The following PTPRZ1 variants were observed in gnomAD, a reference collection of about 807,000 sequenced individuals.
PTPRZ1 encodes protein tyrosine phosphatase receptor type Z1.
A neutral mutation model predicts 214.1 loss-of-function variants in PTPRZ1; 82 were observed. That is an observed-to-expected ratio of 0.38 (90% confidence interval 0.32 to 0.46). PTPRZ1 has a LOEUF of 0.46. Among genes scored for constraint, PTPRZ1 ranks in the 20% least tolerant of loss-of-function variants. PTPRZ1 has a pLI of 1.00. For synonymous variants in PTPRZ1, 945 were observed against 987.9 expected (o/e 0.96, Z 0.81); for missense variants, 2,603 against 2,748.7 (o/e 0.95, Z 1.19).
intron 2 of PTPRZ1, 78 bp downstream of exon 2, chr7:121,928,299 C>T (rs1334490852): frequency 1.9e-6 from 2 of 1,026,668 alleles, no homozygotes; most frequent in Non-Finnish European, 2.9e-6. Context: ...TAAAAGGAAG[C>T]TTTGTAGCAC....
chr7:122,015,110 A>G (rs1324385708), intron 12 of PTPRZ1, among the ~76,000 whole-genome samples: 1 of 152,194 alleles, frequency 6.6e-6, no homozygotes, highest in East Asian at 1.9e-4. Context: ...TTAAATGCCA[A>G]TGGAAAGAAG....
intron 2 of PTPRZ1, among the ~76,000 whole-genome samples, chr7:121,929,166 A>AT (rs1485281814): frequency 2.0e-5 from 3 of 151,220 alleles, no homozygotes; most frequent in East Asian, 2.0e-4. Context: ...AAAAACATAA[A>AT]ATCATTATTT....
intron 8 of PTPRZ1, among the ~76,000 whole-genome samples, chr7:121,991,591 C>G (rs1797963098): frequency 1.3e-5 from 2 of 152,072 alleles, no homozygotes; most frequent in South Asian, 4.1e-4. Flanking sequence ...TTGTTACTAG[C>G]ATTTGTTAAG....
intron 1 of PTPRZ1, among the ~76,000 whole-genome samples, chr7:121,890,892 A>G (rs1314400628): frequency 6.6e-6 from 1 of 151,610 alleles, no homozygotes; most frequent in African/African-American, 2.4e-5. Flanking sequence ...TGTCTGGGCT[A>G]GTCTTGACTT....
At chr7:122,053,039 A>G (rs559350992) in intron 25 of PTPRZ1, among the ~76,000 whole-genome samples, 1 of 152,270 alleles carries the variant, frequency 6.6e-6, no homozygotes, top group East Asian at 1.9e-4. Context: ...TCTCACCTAA[A>G]GTCTTCAATG....
chr7:122,024,412 T>C (rs1167472344), intron 13 of PTPRZ1, among the ~76,000 whole-genome samples: 2 of 152,040 alleles, frequency 1.3e-5, no homozygotes, highest in African/African-American at 2.4e-5. Flanking sequence ...GCAATATGAA[T>C]TCTCTCTTGA....
intron 1 of PTPRZ1, among the ~76,000 whole-genome samples, chr7:121,910,905 T>A (rs1158399780): frequency 6.6e-6 from 1 of 152,196 alleles, no homozygotes; most frequent in African/African-American, 2.4e-5. Context: ...TAGTATATGT[T>A]ATTAGAAGTG....
In PTPRZ1 at chr7:121,993,348, G is replaced by A. The variant is rs139536734; in HGVS notation, c.929-3034G>A. 2.0e-4 allele frequency among the ~76,000 whole-genome samples: 30 copies of A among 151,506 alleles called. No individual in the cohort carries two copies. In the East Asian group the frequency reaches 4.3e-3, roughly 22 times the overall value. ...GAGAGGATCACGAGGTCAGGAGATC[G>A]AGACCATCCTGGCTAACACGGTGAC... On this transcript the variant is annotated intron_variant, in intron 8 of 29. Transcript: ENST00000393386.
chr7:121,911,659 C>T lies in PTPRZ1; in HGVS notation c.59-16497C>T, dbSNP rs1795280732. On this transcript the variant is annotated intron_variant, in intron 1 of 29. Transcript: ENST00000393386. The stretch of plus-strand genomic sequence containing the variant: ...TTTCCTTTTCTTATCCTTTCAGAGC[C>T]TCTTCCTTTTCTGAAACTTAGATGG... Among the ~76,000 whole-genome samples, 5 of 151,954 alleles carry T rather than the reference C, an allele frequency of 3.3e-5. No individual in the cohort carries two copies. In the South Asian group the frequency reaches 1.0e-3, roughly 31 times the overall value.
intron 8 of PTPRZ1, among the ~76,000 whole-genome samples, chr7:121,994,289 CTTTTTTTTTT>C (rs35332072): frequency 1.3e-5 from 1 of 75,348 alleles, no homozygotes; most frequent in Admixed American, 2.4e-4. Context: ...TAATGCATTT[CTTTTTTTTTT>C]TTTTTTTTTT....
At chr7:122,030,789 A>G (rs941475311) in intron 14 of PTPRZ1, among the ~76,000 whole-genome samples, 1 of 151,466 alleles carries the variant, frequency 6.6e-6, no homozygotes, top group African/African-American at 2.4e-5. Context: ...CCAGGAAAAG[A>G]AAAAAAAATC....
At chr7:121,916,002 G>T (rs141612892) in intron 1 of PTPRZ1, among the ~76,000 whole-genome samples, 3 of 152,066 alleles carry the variant, frequency 2.0e-5, no homozygotes, top group African/African-American at 4.8e-5. Flanking sequence ...TTGGCCAGGC[G>T]CAGTGGCTCA....
intron 9 of PTPRZ1, 113 bp from the exon 10 acceptor site, chr7:121,997,767 A>G: frequency 1.3e-6 from 1 of 798,640 alleles, no homozygotes; most frequent in Admixed American, 3.6e-5. Context: ...AGGTTAATAA[A>G]ATAGAAGTAT....
intron 1 of PTPRZ1, among the ~76,000 whole-genome samples, chr7:121,875,755 C>A (rs1314817357): frequency 1.3e-5 from 2 of 152,188 alleles, no homozygotes; most frequent in Non-Finnish European, 2.9e-5. Context: ...ACATAAATAT[C>A]TTGATCTTGG....
At chr7:122,017,648 A>G (rs915227592) in intron 12 of PTPRZ1, among the ~76,000 whole-genome samples, 3 of 151,608 alleles carry the variant, frequency 2.0e-5, no homozygotes. Context: ...TGCAACCTCT[A>G]CTTCCCGGGT....
Position 122,061,173 on chromosome 7 carries a change from G to A in PTPRZ1, c.6901G>A (p.Ala2301Thr), listed in dbSNP as rs1422967029. The A allele has an allele frequency of 1.9e-6, 3 of 1,609,030 alleles. No individual in the cohort carries two copies. Among genetic ancestry groups the A allele is most frequent in the Middle Eastern group, 1.7e-4 (1 of 6,060 alleles). ...PSTSLDSNGAALPDGNIAESL... is the reference protein window; with the variant it reads ...PSTSLDSNGATLPDGNIAESL... ...CACCTCTCTGGACAGTAATGGTGCAGCATTGCCTGATGGAAATATAGCTGA... is the reference window on the plus strand; with the variant it reads ...CACCTCTCTGGACAGTAATGGTGCAACATTGCCTGATGGAAATATAGCTGA... The change falls in exon 30 of 30, where the codon GCA becomes ACA. Residue 2301 changes from alanine (A) to threonine (T), a missense_variant. Ala to Thr is a moderately conservative substitution (Grantham distance 58). This residue lies in a region of PTPRZ1 where 165 missense variants were observed against 151.4 expected (regional missense o/e 1.09). Transcript: ENST00000393386.
chr7:121,927,734 C>T (rs924120086), intron 1 of PTPRZ1, among the ~76,000 whole-genome samples: 3 of 152,164 alleles, frequency 2.0e-5, no homozygotes, highest in African/African-American at 7.2e-5. Context: ...ACACTAGAAG[C>T]ATTTTCAGAT....
chr7:121,955,671 G>C (rs1307548393), intron 2 of PTPRZ1, among the ~76,000 whole-genome samples: 1 of 152,168 alleles, frequency 6.6e-6, no homozygotes, highest in Non-Finnish European at 1.5e-5. Flanking sequence ...GTCTGAATCT[G>C]AGTATTAAAA....
At chr7:121,943,585 G>T (rs569090163) in intron 2 of PTPRZ1, among the ~76,000 whole-genome samples, 6 of 152,096 alleles carry the variant, frequency 3.9e-5, no homozygotes, top group African/African-American at 1.4e-4. Context: ...TGATCCTCCC[G>T]CCTCGGCCTC....
Sources: gnomAD v4.1 joint callset for allele counts (sites outside exome capture counted in the v4.1 genomes callset) on GRCh38, gnomAD v4.1.1 for gene constraint, gnomAD v4.1.1 regional missense constraint, MANE v1.5 for transcripts, NCBI Gene and HGNC (gene_info 2026-07-23, HGNC 2026-07-21) for gene names.